ZNF536: variants seen among roughly 807,000 people sequenced by gnomAD.
ZNF536 encodes zinc finger protein 536.
In ZNF536, 13 loss-of-function variants were observed where a neutral mutation model predicts 84.5. The ratio of observed to expected loss-of-function variants is 0.15; its 90% CI spans 0.10 to 0.24. The LOEUF (loss-of-function observed/expected upper bound fraction) is 0.24. Among genes scored for constraint, ZNF536 ranks in the 10% least tolerant of loss-of-function variants. The probability of loss-of-function intolerance (pLI) is 1.00; values close to 1 mark genes in which losing one functional copy is unlikely to be tolerated. For synonymous variants in ZNF536, 811 were observed against 742.5 expected, an observed-to-expected ratio of 1.09 and a Z score of -1.50; for missense variants, 1,536 against 1,747.5, an observed-to-expected ratio of 0.88 and a Z score of 2.16.
intron 1 of ZNF536, among the ~76,000 whole-genome samples, chr19:30,383,983 C>A (rs1311047141): frequency 2.9e-5 from 3 of 103,782 alleles, no homozygotes; most frequent in African/African-American, 1.1e-4. Flanking sequence ...TTCCACTCTG[C>A]CAGCTGGATG....
At chr19:30,636,116 C>T (rs904092464) in intron 1 of ZNF536, among the ~76,000 whole-genome samples, 1 of 152,262 alleles carries the variant, frequency 6.6e-6, no homozygotes, top group East Asian at 1.9e-4. Flanking sequence ...TGGTGGGGCC[C>T]GGGTGTGGCG....
At chr19:30,539,069 A>G (rs1172182071) in intron 3 of ZNF536, among the ~76,000 whole-genome samples, 1 of 151,942 alleles carries the variant, frequency 6.6e-6, no homozygotes, top group Non-Finnish European at 1.5e-5. Flanking sequence ...GAAAGAAAAG[A>G]AAAGGAAAGA....
At chr19:30,369,806 A>G (rs1404318725), upstream of ZNF536, among the ~76,000 whole-genome samples, 3 of 151,984 alleles carry the variant, frequency 2.0e-5, no homozygotes, top group Non-Finnish European at 4.4e-5. Flanking sequence ...AAGTGTTTCC[A>G]CTTTTAGATT....
At chr19:30,574,247 G>A (rs1599854614) in intron 1 of ZNF536, among the ~76,000 whole-genome samples, 3 of 152,346 alleles carry the variant, frequency 2.0e-5, no homozygotes, top group African/African-American at 4.8e-5. Context: ...TATTTGTGAT[G>A]TTCTCCATGC....
At chr19:30,446,847 G>A (rs1168503616) in intron 2 of ZNF536, among the ~76,000 whole-genome samples, 2 of 103,728 alleles carry the variant, frequency 1.9e-5, no homozygotes, top group Non-Finnish European at 4.4e-5. Flanking sequence ...AACAAAACAC[G>A]CTAGCCTCAG....
chr19:30,512,342 G>A (rs1805619509), intron 2 of ZNF536, among the ~76,000 whole-genome samples: 3 of 152,068 alleles, frequency 2.0e-5, no homozygotes, highest in Admixed American at 2.0e-4. Flanking sequence ...CAAATGTATT[G>A]CTGAATGCAG....
intron 2 of ZNF536, among the ~76,000 whole-genome samples, chr19:30,338,290 T>C (rs2047449350): frequency 6.6e-6 from 1 of 151,730 alleles, no homozygotes; most frequent in Non-Finnish European, 1.5e-5. Context: ...ATGACAATGA[T>C]AATATGATGA....
At chr19:30,447,839 A>G (rs2052424323) in intron 2 of ZNF536, among the ~76,000 whole-genome samples, 1 of 152,214 alleles carries the variant, frequency 6.6e-6, no homozygotes, top group South Asian at 2.1e-4. Flanking sequence ...TAACATTGAC[A>G]GATTTCCATC....
chr19:30,227,040 T>G (rs1438593595), upstream of ZNF536, among the ~76,000 whole-genome samples: 1 of 151,262 alleles, frequency 6.6e-6, no homozygotes. Flanking sequence ...AGTAGGAAAG[T>G]GTCCAGATCT....
At chr19:30,352,353 T>G (rs1393893231) in intron 2 of ZNF536, 2 of 152,240 alleles carry the variant, frequency 1.3e-5, no homozygotes, top group Non-Finnish European at 2.9e-5. Context: ...CTTTCTATAT[T>G]TCCTTTTGTG....
intron 1 of ZNF536, among the ~76,000 whole-genome samples, chr19:30,433,607 C>T (rs879738807): frequency 6.6e-6 from 1 of 152,218 alleles, no homozygotes; most frequent in African/African-American, 2.4e-5. Flanking sequence ...AAGCGATTCT[C>T]CTGCTTCAGC....
intron 1 of ZNF536, among the ~76,000 whole-genome samples, chr19:30,383,835 TTTCC>T (rs200232895): frequency 0.045 from 4,296 of 95,392 alleles, 158 homozygotes; most frequent in Middle Eastern, 0.14. Flanking sequence ...TTTCTCCTTC[TTTCC>T]TTCCTTCCTT....
At chr19:30,384,825 G>C (rs1230786887) in intron 1 of ZNF536, among the ~76,000 whole-genome samples, 1 of 152,068 alleles carries the variant, frequency 6.6e-6, no homozygotes, top group Non-Finnish European at 1.5e-5. Context: ...CCAGGAGTTT[G>C]AGACTAGCCT....
intron 3 of ZNF536, among the ~76,000 whole-genome samples, chr19:30,361,649 G>A (rs1376560699): frequency 1.3e-5 from 2 of 152,144 alleles, no homozygotes. Context: ...TTGGTGCAGA[G>A]AAATGCCACT....
chr19:30,387,565 G>A (rs1429835431), intron 1 of ZNF536, among the ~76,000 whole-genome samples: 1 of 152,228 alleles, frequency 6.6e-6, no homozygotes, highest in Non-Finnish European at 1.5e-5. Flanking sequence ...GGAAGCCGTG[G>A]AGGCCGTTTT....
intron 3 of ZNF536, among the ~76,000 whole-genome samples, chr19:30,362,919 C>T (rs563903590): frequency 1.1e-4 from 16 of 152,146 alleles, no homozygotes; most frequent in Non-Finnish European, 2.2e-4. Flanking sequence ...ATTAGCCAGG[C>T]GTGATGGTGC....
At chr19:30,655,356 A>G (rs781258044) in intron 1 of ZNF536, among the ~76,000 whole-genome samples, 4 of 152,304 alleles carry the variant, frequency 2.6e-5, no homozygotes, top group East Asian at 1.9e-4. Context: ...AATCTATTAC[A>G]TATTACATTC....
chr19:30,611,973 C>T (rs754481501), intron 1 of ZNF536, among the ~76,000 whole-genome samples: 1 of 152,126 alleles, frequency 6.6e-6, no homozygotes, highest in Non-Finnish European at 1.5e-5. Flanking sequence ...GTGCACGGAT[C>T]TTTTGCTGTT....
In ZNF536 at chr19:30,493,892, C is replaced by G. The variant is rs550613939; in HGVS notation, c.2171-40955C>G. ...TTGAGCTCAAGTTTTCTAGGGTGCT[C>G]CTCATACGTGGAGTGTTTGCAACTC... On this transcript the variant is annotated intron_variant, in intron 2 of 4. Transcript: ENST00000355537. 9.2e-5 allele frequency among the ~76,000 whole-genome samples: 14 copies of G among 152,188 alleles called. No individual in the cohort carries two copies. The East Asian group carries it at 2.5e-3, about 27-fold the overall frequency.
Sources: gnomAD v4.1 joint callset for allele counts (sites outside exome capture counted in the v4.1 genomes callset) on GRCh38, gnomAD v4.1.1 for gene constraint, MANE v1.5 for transcripts, NCBI Gene and HGNC (gene_info 2026-07-23, HGNC 2026-07-21) for gene names.